Variants in PHACTR1 observed in about 807,000 individuals in gnomAD.
The protein encoded by PHACTR1 is RPEL repeat containing 1.
PHACTR1 carries 16 observed loss-of-function variants against 69.2 expected under a neutral mutation model. That is an observed-to-expected ratio of 0.23 (90% CI 0.16 to 0.35). The LOEUF is 0.35. Ranked by LOEUF, PHACTR1 falls within the 10% of genes least tolerant of loss-of-function variation. The pLI is 1.00. For missense variants in PHACTR1, 510 were observed against 734.7 expected, an observed-to-expected ratio of 0.69 and a Z score of 3.54; for synonymous variants, 312 against 284.5, an observed-to-expected ratio of 1.10 and a Z score of -0.97.
chr6:12,910,406 T>G (rs1254952775), intron 4 of PHACTR1, among the ~76,000 whole-genome samples: 1 of 152,184 alleles, frequency 6.6e-6, no homozygotes, highest in African/African-American at 2.4e-5. Flanking sequence ...CAATGAGAAT[T>G]GGCAGACTCA....
intron 5 of PHACTR1, among the ~76,000 whole-genome samples, chr6:13,076,997 C>T (rs911707473): frequency 5.4e-5 from 8 of 148,510 alleles, no homozygotes; most frequent in South Asian, 4.3e-4. Flanking sequence ...TGCTAGATGA[C>T]GAGTTAGTGG....
At chr6:13,058,970 A>G (rs1417162271) in intron 5 of PHACTR1, among the ~76,000 whole-genome samples, 1 of 152,186 alleles carries the variant, frequency 6.6e-6, no homozygotes, top group African/African-American at 2.4e-5. Flanking sequence ...GGCATTATGC[A>G]GATGATAGTA....
intron 4 of PHACTR1, chr6:12,958,000 A>G: frequency 2.0e-6 from 2 of 985,430 alleles, no homozygotes; most frequent in African/African-American, 1.7e-5. Flanking sequence ...AGAGAGGCGG[A>G]TGCATGTGGG....
At chr6:12,777,680 G>A (rs1770263274) in intron 4 of PHACTR1, among the ~76,000 whole-genome samples, 1 of 130,726 alleles carries the variant, frequency 7.6e-6, no homozygotes, top group Admixed American at 9.7e-5. Context: ...CACCCAGGCT[G>A]GAGTACAGTG....
chr6:13,219,563 G>C (rs1222308575), intron 8 of PHACTR1, among the ~76,000 whole-genome samples: 1 of 152,086 alleles, frequency 6.6e-6, no homozygotes, highest in Non-Finnish European at 1.5e-5. Flanking sequence ...TATCCAGCCT[G>C]GTAATTATTC....
At chr6:13,237,571 A>C (rs1464686825) in intron 10 of PHACTR1, among the ~76,000 whole-genome samples, 1 of 152,200 alleles carries the variant, frequency 6.6e-6, no homozygotes, top group Non-Finnish European at 1.5e-5. Flanking sequence ...AATAGTAGGT[A>C]TGTTGTAAAT....
intron 3 of PHACTR1, among the ~76,000 whole-genome samples, chr6:12,742,173 T>C (rs1192311789): frequency 6.6e-6 from 1 of 152,294 alleles, no homozygotes; most frequent in East Asian, 1.9e-4. Flanking sequence ...GGCAGAGGCA[T>C]GGGCCACTCA....
At chr6:13,158,741 G>C (rs1758550267) in intron 5 of PHACTR1, among the ~76,000 whole-genome samples, 1 of 152,216 alleles carries the variant, frequency 6.6e-6, no homozygotes, top group African/African-American at 2.4e-5. Context: ...AAAGTGACTT[G>C]ACTAAGGTCA....
At chr6:13,113,595 G>A (rs1198103307) in intron 5 of PHACTR1, among the ~76,000 whole-genome samples, 1 of 152,152 alleles carries the variant, frequency 6.6e-6, no homozygotes, top group Non-Finnish European at 1.5e-5. Context: ...TAGTAAGGGA[G>A]ATCCCTTATC....
intron 4 of PHACTR1, among the ~76,000 whole-genome samples, chr6:12,890,627 G>A (rs530820509): frequency 1.8e-3 from 270 of 152,204 alleles, no homozygotes; most frequent in African/African-American, 5.9e-3. Flanking sequence ...TGCTCTAGGC[G>A]TTCGGTTTCC....
chr6:13,164,118 G>A (rs908584907), intron 6 of PHACTR1, among the ~76,000 whole-genome samples: 29 of 151,532 alleles, frequency 1.9e-4, no homozygotes, highest in Non-Finnish European at 3.7e-4. Flanking sequence ...CCGAGAACCC[G>A]GTCTTCTGTA....
At chr6:12,978,207 G>A (rs994424138) in intron 4 of PHACTR1, among the ~76,000 whole-genome samples, 8 of 152,126 alleles carry the variant, frequency 5.3e-5, no homozygotes, top group Non-Finnish European at 7.4e-5. Context: ...CCCACTGGCC[G>A]CCAGAGTCTG....
chr6:13,169,956 G>A lies in PHACTR1; in HGVS notation c.496+9672G>A, dbSNP rs189124171. 4.8e-3 allele frequency among the ~76,000 whole-genome samples: 738 copies of A among 152,250 alleles called. 1 individual carries two copies. The highest frequency in any genetic ancestry group is 0.014 in the Middle Eastern group (4 of 294). On this transcript the variant is annotated intron_variant, in intron 6 of 14. Transcript: ENST00000332995. ...TTGGTGCTCATTTCATATTTATTGC[G>A]TGAAAGAATGAAACTCACATAATAA...
At chr6:12,859,930 T>G (rs1780772277) in intron 4 of PHACTR1, among the ~76,000 whole-genome samples, 1 of 152,068 alleles carries the variant, frequency 6.6e-6, no homozygotes, top group African/African-American at 2.4e-5. Flanking sequence ...CCAACCCCAC[T>G]AAGGTACCAT....
intron 3 of PHACTR1, among the ~76,000 whole-genome samples, chr6:12,724,897 A>G (rs376305477): frequency 3.2e-4 from 49 of 152,330 alleles, no homozygotes; most frequent in African/African-American, 1.1e-3. Context: ...GCCAAATGAC[A>G]AAAGTCACTA....
chr6:12,808,034 T>C (rs1303684347), intron 4 of PHACTR1, among the ~76,000 whole-genome samples: 2 of 152,224 alleles, frequency 1.3e-5, no homozygotes, highest in African/African-American at 4.8e-5. Flanking sequence ...CTTAGTCTAC[T>C]GGACCTAATG....
intron 8 of PHACTR1, among the ~76,000 whole-genome samples, chr6:13,211,291 C>T (rs1288278856): frequency 2.0e-5 from 3 of 151,916 alleles, no homozygotes; most frequent in African/African-American, 7.3e-5. Context: ...CCCCCTGAGT[C>T]CCCAAAGTCC....
chr6:12,825,324 A>AG (rs1408308344), intron 4 of PHACTR1, among the ~76,000 whole-genome samples: 1 of 152,112 alleles, frequency 6.6e-6, no homozygotes, highest in Admixed American at 6.5e-5. Flanking sequence ...CTCAAAAAAA[A>AG]AAAAAAAGTG....
chr6:12,850,469 C>G (rs532542795), intron 4 of PHACTR1, among the ~76,000 whole-genome samples: 16 of 152,292 alleles, frequency 1.1e-4, no homozygotes, highest in African/African-American at 3.6e-4. Flanking sequence ...GGAAGGGAAA[C>G]TTTACTTCTT....
Sources: gnomAD v4.1 joint callset for allele counts (sites outside exome capture counted in the v4.1 genomes callset) on GRCh38, gnomAD v4.1.1 for gene constraint, MANE v1.5 for transcripts, NCBI Gene and HGNC (gene_info 2026-07-23, HGNC 2026-07-21) for gene names.